Variants in ORC2 observed in about 807,000 individuals in gnomAD.
ORC2 encodes origin recognition complex subunit 2, also known as origin recognition complex protein 2 homolog.
Under a neutral mutation model 77.7 loss-of-function variants are expected in ORC2, and 37 were observed. That is an observed-to-expected ratio of 0.48 (90% CI 0.37 to 0.63). The LOEUF (loss-of-function observed/expected upper bound fraction) is 0.63, where lower values mean the gene tolerates loss of function less well. Among genes scored for constraint, ORC2 ranks in the 20% least tolerant of loss-of-function variants. The probability of loss-of-function intolerance (pLI) is 0.00; values close to 1 mark genes in which losing one functional copy is unlikely to be tolerated. For missense variants in ORC2, 557 were observed against 661.9 expected (o/e 0.84, Z 1.74); for synonymous variants, 201 against 229.5 (o/e 0.88, Z 1.12).
At chr2:200,944,698 G>A (rs1036598865) in intron 5 of ORC2, among the ~76,000 whole-genome samples, 6 of 152,090 alleles carry the variant, frequency 3.9e-5, no homozygotes, top group Non-Finnish European at 8.8e-5. Flanking sequence ...GCGCCACTAT[G>A]CCTAGCTAAT....
Position 200,911,165 on chromosome 2 carries a change from T to C in ORC2, c.*136A>G. 1.6e-6 allele frequency: 1 copy of C among 621,198 alleles called. No homozygotes were observed. The highest frequency in any genetic ancestry group is 2.9e-6 in the Non-Finnish European group (1 of 344,526). The allele number at this position is 621,198 out of a possible 1,614,324, so 38.5% of individuals were successfully genotyped here. On this transcript the variant is annotated 3_prime_UTR_variant, in exon 18 of 18. Coordinates refer to ENST00000234296, the MANE Select transcript of ORC2 (RefSeq NM_006190.5). ...GATCAAAAAGTTCTAATTGAGGACA[T>C]CCCCCCCTTCCCAAATTTAAATCTT... is the stretch of plus-strand genomic sequence containing the variant.
chr2:200,957,262 A>G, intron 4 of ORC2, 139 bp downstream of exon 4: 1 of 590,610 alleles, frequency 1.7e-6, no homozygotes. Context: ...CTATGGAGAA[A>G]TTGAAGCAAA....
chr2:200,959,898 C>CAA (rs527992510), intron 1 of ORC2, among the ~76,000 whole-genome samples: 3 of 131,490 alleles, frequency 2.3e-5, no homozygotes, highest in South Asian at 2.4e-4. Flanking sequence ...CTGCCTCTAC[C>CAA]AAAAAAAAAA....
chr2:200,954,209 T>G (rs780373969), intron 4 of ORC2, among the ~76,000 whole-genome samples: 16 of 152,062 alleles, frequency 1.1e-4, no homozygotes, highest in Non-Finnish European at 1.6e-4. Flanking sequence ...ATTTTTTGTA[T>G]TTTTAGTAGA....
At chr2:200,938,819 C>T (rs540518751) in intron 7 of ORC2, among the ~76,000 whole-genome samples, 1 of 152,222 alleles carries the variant, frequency 6.6e-6, no homozygotes, top group South Asian at 2.1e-4. Flanking sequence ...GCGGGCAGAT[C>T]ACCTGAGGTC....
At chr2:200,914,394 C>T (rs575020985) in intron 15 of ORC2, among the ~76,000 whole-genome samples, 29 of 152,122 alleles carry the variant, frequency 1.9e-4, no homozygotes, top group Non-Finnish European at 3.7e-4. Flanking sequence ...TCTCGATCTC[C>T]TGATCTCGTG....
chr2:200,924,932 T>G (rs1247443220), intron 13 of ORC2, among the ~76,000 whole-genome samples: 1 of 152,060 alleles, frequency 6.6e-6, no homozygotes, highest in Non-Finnish European at 1.5e-5. Flanking sequence ...CTAATTTTTT[T>G]GTATTTTTGT....
At chr2:200,926,967 C>G in intron 11 of ORC2, 67 bp from the exon 12 acceptor site, 1 of 1,474,016 alleles carries the variant, frequency 6.8e-7, no homozygotes, top group Non-Finnish European at 9.4e-7. Context: ...TTATTATCAA[C>G]CAGTTTCCTT....
intron 7 of ORC2, among the ~76,000 whole-genome samples, chr2:200,940,952 CCAAA>C (rs1299662662): frequency 2.0e-5 from 3 of 152,102 alleles, no homozygotes; most frequent in Admixed American, 2.0e-4. Context: ...AAGCAAAACC[CCAAA>C]CATTTTCAGG....
Position 200,935,696 on chromosome 2 carries a change from T to C in ORC2, c.708+3A>G. 1 of 1,588,712 alleles carries C rather than the reference T, an allele frequency of 6.3e-7. No individual in the cohort carries two copies. Among genetic ancestry groups the C allele is most frequent in the South Asian group, 1.2e-5 (1 of 86,868 alleles). On this transcript the variant is annotated splice_donor_region_variant and intron_variant, in intron 9 of 17. Transcript: ENST00000234296. Reference sequence around the variant, plus strand: ...TAAGGTTAAAGTCTCTCTCTTCACTTACTGTTTTATCTCTTTTCATTCTCT... The same window carrying C: ...TAAGGTTAAAGTCTCTCTCTTCACTCACTGTTTTATCTCTTTTCATTCTCT...
At chr2:200,943,898 T>C (rs2041201161) in intron 5 of ORC2, among the ~76,000 whole-genome samples, 1 of 152,054 alleles carries the variant, frequency 6.6e-6, no homozygotes, top group East Asian at 1.9e-4. Flanking sequence ...GGTTATTTCA[T>C]CTCTTCTTCA....
rs2040584379 is a variant in ORC2 at position 200,913,373 on chromosome 2, T to A, written c.1569A>T (p.Ala523=). ...FQDFYQQCRE[A]FLVNSDLTLR... is the part of the protein sequence containing the mutation. ...GTGTCAGATCACTATTGACGAGGAA[T>A]GCCTCCCGACACTGCTGGTAAAAAT... Residue 523 remains alanine, a synonymous_variant, in exon 17 of 18, where the codon GCA becomes GCT. Transcript: ENST00000234296. 3 of 1,599,022 alleles carry A rather than the reference T, an allele frequency of 1.9e-6. No individual in the cohort carries two copies. The highest frequency in any genetic ancestry group is 2.6e-6 in the Non-Finnish European group (3 of 1,170,144).
At chr2:200,943,981 G>A (rs1224405124) in intron 5 of ORC2, among the ~76,000 whole-genome samples, 2 of 151,642 alleles carry the variant, frequency 1.3e-5, no homozygotes, top group African/African-American at 4.8e-5. Context: ...TGTCATTTTT[G>A]GATTAAAGGC....
chr2:200,918,660 T>C (rs1168981221), intron 15 of ORC2, among the ~76,000 whole-genome samples: 1 of 151,988 alleles, frequency 6.6e-6, no homozygotes, highest in East Asian at 1.9e-4. Flanking sequence ...GGCTAATTTT[T>C]GTGTTTTTAG....
At chr2:200,957,040 C>T (rs2041478794) in intron 4 of ORC2, among the ~76,000 whole-genome samples, 1 of 152,084 alleles carries the variant, frequency 6.6e-6, no homozygotes, top group Non-Finnish European at 1.5e-5. Context: ...AGCATAAGGA[C>T]AGACAGCTAA....
chr2:200,912,866 G>A (rs16835618), intron 17 of ORC2, among the ~76,000 whole-genome samples: 1,829 of 152,186 alleles, frequency 0.012, 30 homozygotes, highest in African/African-American at 0.042. Flanking sequence ...TTATGTGTGC[G>A]ATTACTTGAC....
Position 200,961,050 on chromosome 2 carries a change from CAGGTGTA to C in ORC2, c.-59-1617_-59-1611del, listed in dbSNP as rs1327998994. Among the ~76,000 whole-genome samples, 4 of 152,292 alleles carry C rather than the reference CAGGTGTA, an allele frequency of 2.6e-5. No homozygotes were observed. The South Asian group carries it at 8.3e-4, about 32-fold the overall frequency. On this transcript the variant is annotated intron_variant, in intron 1 of 17. Transcript: ENST00000234296. ...TCAGCCTCCCAAAGTGTTGGGATTA[CAGGTGTA>C]AGCCACTGCACCTGGCAGATTCCTA...
At position 200,932,242 on chromosome 2, in the gene ORC2, T is replaced by C. The variant is rs16835883; in HGVS notation, c.808-794A>G. Among the ~76,000 whole-genome samples, 772 of 152,080 alleles carry C rather than the reference T, an allele frequency of 5.1e-3. 8 individuals carry two copies. The highest frequency in any genetic ancestry group is 8.6e-3 in the Admixed American group (131 of 15,264). ...AAGCAGAGAAAGCACTAATATCTTTTCCAGCAGTCATTTACACTAGATTAT... is the reference window on the plus strand; with the variant it reads ...AAGCAGAGAAAGCACTAATATCTTTCCCAGCAGTCATTTACACTAGATTAT... On this transcript the variant is annotated intron_variant, in intron 10 of 17. Transcript: ENST00000234296.
chr2:200,929,680 C>A (rs2040904379), intron 11 of ORC2, among the ~76,000 whole-genome samples: 1 of 151,798 alleles, frequency 6.6e-6, no homozygotes, highest in Admixed American at 6.6e-5. Context: ...ATCTATGGAC[C>A]CAGCTATTTG....
Sources: allele counts gnomAD v4.1 joint callset (sites outside exome capture counted in the v4.1 genomes callset), GRCh38; gene constraint gnomAD v4.1.1; transcripts MANE v1.5; gene names NCBI Gene and HGNC (gene_info 2026-07-23, HGNC 2026-07-21).